Variants in IMPACT observed in about 807,000 individuals in gnomAD.
IMPACT encodes protein IMPACT.
In IMPACT, 35 loss-of-function variants were observed where a neutral mutation model predicts 47.5. That is an observed-to-expected ratio of 0.74 (90% CI 0.56 to 0.98). The LOEUF (loss-of-function observed/expected upper bound fraction) is 0.98. Ranked by LOEUF, IMPACT falls within the 50% of genes least tolerant of loss-of-function variation. The pLI, the probability that IMPACT is intolerant of heterozygous loss-of-function variation, is 0.00. For synonymous variants in IMPACT, 118 were observed against 125.6 expected, an observed-to-expected ratio of 0.94 and a Z score of 0.40; for missense variants, 373 against 394.8, an observed-to-expected ratio of 0.94 and a Z score of 0.47.
intron 1 of IMPACT, 64 bp from the exon 2 acceptor site, chr18:24,427,848 TTATAAAG>T (rs1341094205): frequency 7.0e-7 from 1 of 1,432,898 alleles, no homozygotes; most frequent in Non-Finnish European, 9.5e-7. Context: ...TTTGAATACC[TTATAAAG>T]TAGTAAGAAT....
chr18:24,428,093 A>C, intron 2 of IMPACT, 46 bp downstream of exon 2: 1 of 1,501,980 alleles, frequency 6.7e-7, no homozygotes, highest in Non-Finnish European at 8.9e-7. Context: ...TTACAGTATG[A>C]ACTATATTGT....
At chr18:24,446,116 A>C (rs1490991165) in intron 8 of IMPACT, among the ~76,000 whole-genome samples, 1 of 152,064 alleles carries the variant, frequency 6.6e-6, no homozygotes, top group African/African-American at 2.4e-5. Context: ...CAGGGTCTCA[A>C]AAACCCTGTT....
At chr18:24,437,362 T>C (rs1908975733) in intron 4 of IMPACT, among the ~76,000 whole-genome samples, 1 of 152,208 alleles carries the variant, frequency 6.6e-6, no homozygotes, top group Non-Finnish European at 1.5e-5. Flanking sequence ...TTTAGTTACC[T>C]GAGGCAACCA....
intron 4 of IMPACT, among the ~76,000 whole-genome samples, chr18:24,434,892 A>ATGTGTATATATG: frequency 2.0e-5 from 1 of 49,946 alleles, no homozygotes; most frequent in South Asian, 4.9e-4. Context: ...GTGTATATAT[A>ATGTGTATATATG]TGTGTATATA....
At chr18:24,430,684 A>G (rs1355230823) in intron 4 of IMPACT, among the ~76,000 whole-genome samples, 1 of 152,158 alleles carries the variant, frequency 6.6e-6, no homozygotes, top group Non-Finnish European at 1.5e-5. Flanking sequence ...GGATTGCTTG[A>G]ACCCAGGAGT....
chr18:24,426,910 G>A (rs2144327505), intron 1 of IMPACT, 118 bp downstream of exon 1: 1 of 677,582 alleles, frequency 1.5e-6, no homozygotes, highest in Non-Finnish European at 2.1e-6. Context: ...GCCAGCACTG[G>A]CCACGCCATT....
intron 10 of IMPACT, among the ~76,000 whole-genome samples, chr18:24,450,539 G>C (rs1398058239): frequency 6.6e-6 from 1 of 151,916 alleles, no homozygotes; most frequent in Non-Finnish European, 1.5e-5. Flanking sequence ...GATAAATAAG[G>C]TTTCCTTGAT....
At chr18:24,442,920 C>T (rs1462993841) in intron 6 of IMPACT, 129 bp from the exon 7 acceptor site, 15 of 481,802 alleles carry the variant, frequency 3.1e-5, no homozygotes, top group East Asian at 2.1e-4. Flanking sequence ...TGGTAGATAG[C>T]GATTAATGGT....
At position 24,428,886 on chromosome 18, in the gene IMPACT, A is replaced by G. The variant is rs1408613996; in HGVS notation, c.183A>G (p.Glu61=). Residue 61 remains glutamate, a synonymous_variant, in exon 3 of 11, where the codon GAA becomes GAG. Transcript: ENST00000284202. The part of the protein sequence containing the change: ...TLCLQVMLPN[E]YPGTAPPIYQ... ...CATTGTAGGTGATGCTGCCGAATGA[A>G]TACCCAGGTACAGCTCCACCTATCT... 6.2e-7 allele frequency: 1 copy of G among 1,612,050 alleles called. No homozygotes were observed. The highest frequency in any genetic ancestry group is 8.5e-7 in the Non-Finnish European group (1 of 1,178,972).
At chr18:24,430,530 C>A in intron 4 of IMPACT, 146 bp downstream of exon 4, 1 of 492,060 alleles carries the variant, frequency 2.0e-6, no homozygotes. Context: ...GAAGAGACCT[C>A]GAAAGGTTAG....
At chr18:24,433,515 A>G (rs1326187190) in intron 4 of IMPACT, among the ~76,000 whole-genome samples, 3 of 148,500 alleles carry the variant, frequency 2.0e-5, no homozygotes, top group African/African-American at 7.5e-5. Context: ...TTTTTTTTTT[A>G]AATAGGACTT....
At chr18:24,443,292 A>G (rs1481279597) in intron 7 of IMPACT, 140 bp downstream of exon 7, 4 of 466,786 alleles carry the variant, frequency 8.6e-6, no homozygotes, top group South Asian at 7.2e-5. Context: ...TCTACTCCCA[A>G]ATTACTGTGA....
Position 24,445,435 on chromosome 18 carries a change from GCT to G in IMPACT, c.638_639del (p.Ala213GlufsTer14). On this transcript the variant is annotated frameshift_variant, in exon 8 of 11. Coordinates refer to ENST00000284202, the MANE Select transcript of IMPACT (RefSeq NM_018439.4). LOFTEE classifies it high-confidence loss of function. ...LSKLYENKKI[A>X]SATHNIYAYR... ...CAAATTGTATGAGAATAAGAAAATAGCTAGTGCCACCCACAACATCTATGCCT... is the reference window on the plus strand; with the variant it reads ...CAAATTGTATGAGAATAAGAAAATAGAGTGCCACCCACAACATCTATGCCT... 1.2e-6 allele frequency: 2 copies of G among 1,606,114 alleles called. No homozygotes were observed. The highest frequency in any genetic ancestry group is 1.7e-6 in the Non-Finnish European group (2 of 1,176,088).
chr18:24,433,844 T>C (rs1908832891), intron 4 of IMPACT, among the ~76,000 whole-genome samples: 1 of 151,824 alleles, frequency 6.6e-6, no homozygotes, highest in Admixed American at 6.6e-5. Flanking sequence ...CTAATTTTTG[T>C]ATTTTTAGTA....
At position 24,450,887 on chromosome 18, in the gene IMPACT, T is replaced by G; in HGVS notation, c.*40T>G. The G allele has an allele frequency of 3.1e-5, 37 of 1,179,756 alleles. No homozygotes were observed. The highest frequency in any genetic ancestry group is 4.0e-5 in the Non-Finnish European group (32 of 792,944). 73.1% of individuals were successfully genotyped at this position (1,179,756 alleles called of 1,614,324 possible). ...GGAAAGGTTAATTTGCCTATAATTA[T>G]ATATACATTCCATAGTCATCAAGGA... On this transcript the variant is annotated 3_prime_UTR_variant, in exon 11 of 11. Coordinates refer to ENST00000284202, the MANE Select transcript of IMPACT (RefSeq NM_018439.4).
chr18:24,443,037 T>C lies in IMPACT; in HGVS notation c.491-12T>C, dbSNP rs1287279972. 5 of 1,437,312 alleles carry C rather than the reference T, an allele frequency of 3.5e-6. No individual in the cohort carries two copies. The highest frequency in any genetic ancestry group is 4.8e-6 in the Non-Finnish European group (5 of 1,034,302). The allele number at this position is 1,437,312 out of a possible 1,614,324, so 89.0% of individuals were successfully genotyped here. On this transcript the variant is annotated splice_polypyrimidine_tract_variant and intron_variant, in intron 6 of 10. Transcript: ENST00000284202. ...GGCTTTTTAAAAAATAAAGTTTCTT[T>C]TACATTTCTAGAAGTAGAAGTAGAA...
At chr18:24,440,701 A>C in intron 6 of IMPACT, 83 bp downstream of exon 6, 1 of 1,235,034 alleles carries the variant, frequency 8.1e-7, no homozygotes, top group Non-Finnish European at 1.1e-6. Context: ...AGAGAAATTT[A>C]CTAATTTTCT....
intron 4 of IMPACT, among the ~76,000 whole-genome samples, chr18:24,436,528 C>G (rs1253162242): frequency 2.0e-5 from 3 of 150,974 alleles, no homozygotes; most frequent in African/African-American, 7.3e-5. Context: ...GCTGCCACAT[C>G]TGGCCTGTTT....
chr18:24,441,768 T>G (rs1170435061), intron 6 of IMPACT, among the ~76,000 whole-genome samples: 1 of 152,024 alleles, frequency 6.6e-6, no homozygotes, highest in Non-Finnish European at 1.5e-5. Flanking sequence ...AATGAAAGAG[T>G]GGGGAGCATC....
Sources: allele counts gnomAD v4.1 joint callset (sites outside exome capture counted in the v4.1 genomes callset), GRCh38; gene constraint gnomAD v4.1.1; transcripts MANE v1.5; gene names NCBI Gene and HGNC (gene_info 2026-07-23, HGNC 2026-07-21).